The following RNF220 variants were observed in gnomAD, a reference collection of about 807,000 sequenced individuals.
RNF220 encodes the protein E3 ubiquitin-protein ligase RNF220.
In RNF220, 7 loss-of-function variants were observed where a neutral mutation model predicts 67.1. That is an observed-to-expected ratio of 0.10 (90% CI 0.06 to 0.20). RNF220 has a LOEUF of 0.20. Among genes scored for constraint, RNF220 ranks in the 10% least tolerant of loss-of-function variants. The probability of loss-of-function intolerance (pLI) is 1.00; values close to 1 mark genes in which losing one functional copy is unlikely to be tolerated. For synonymous variants in RNF220, 270 were observed against 283.2 expected (o/e 0.95, Z 0.47); for missense variants, 565 against 740.3 (o/e 0.76, Z 2.75).
At chr1:44,521,395 C>T (rs892526879) in intron 2 of RNF220, among the ~76,000 whole-genome samples, 51 of 152,138 alleles carry the variant, frequency 3.4e-4, no homozygotes, top group Non-Finnish European at 5.1e-4. Flanking sequence ...CATGGGATGA[C>T]AAATTTTAAA....
At chr1:44,517,502 A>G (rs548658544) in intron 2 of RNF220, among the ~76,000 whole-genome samples, 157 of 152,196 alleles carry the variant, frequency 1.0e-3, no homozygotes, top group African/African-American at 3.3e-3. Flanking sequence ...GACTGTTGTC[A>G]TCACCGACTT....
intron 2 of RNF220, among the ~76,000 whole-genome samples, chr1:44,447,879 C>G (rs1366268503): frequency 6.6e-6 from 1 of 152,206 alleles, no homozygotes; most frequent in African/African-American, 2.4e-5. Context: ...AATCCTATTT[C>G]TAAGTCCCTG....
chr1:44,491,985 G>A (rs1488524492), intron 2 of RNF220, among the ~76,000 whole-genome samples: 1 of 152,010 alleles, frequency 6.6e-6, no homozygotes, highest in Non-Finnish European at 1.5e-5. Context: ...CTTACCATTT[G>A]TATTCAATAT....
intron 2 of RNF220, among the ~76,000 whole-genome samples, chr1:44,450,404 A>G (rs1652550670): frequency 6.6e-6 from 1 of 152,174 alleles, no homozygotes; most frequent in Non-Finnish European, 1.5e-5. Flanking sequence ...AAAAAGTAAA[A>G]GCTTCTTACT....
rs953680631 is a variant in RNF220 at position 44,526,533 on chromosome 1, A to G, written c.626-87632A>G. ...CTACTCAGCACTTTTGTCCTAACTC[A>G]GTACTATCCAGTACTTGTGTCCTAA... On this transcript the variant is annotated intron_variant, in intron 2 of 14. Coordinates refer to ENST00000361799, the MANE Select transcript of RNF220 (RefSeq NM_018150.4). Among the ~76,000 whole-genome samples, 10 of 152,166 alleles carry G rather than the reference A, an allele frequency of 6.6e-5. No individual in the cohort carries two copies. The South Asian group carries it at 1.7e-3, about 25-fold the overall frequency.
At chr1:44,627,344 C>CAAAA (rs35722890) in intron 5 of RNF220, among the ~76,000 whole-genome samples, 4 of 42,250 alleles carry the variant, frequency 9.5e-5, no homozygotes, top group Non-Finnish European at 1.3e-4. Flanking sequence ...GACTCCGTCT[C>CAAAA]AAAAAAAAAA....
At chr1:44,584,842 G>T (rs990367448) in intron 2 of RNF220, among the ~76,000 whole-genome samples, 7 of 152,188 alleles carry the variant, frequency 4.6e-5, no homozygotes, top group Non-Finnish European at 1.0e-4. Context: ...GGGATTGCAG[G>T]TGCCTGCCGC....
At chr1:44,420,457 A>G (rs757017857) in intron 2 of RNF220, among the ~76,000 whole-genome samples, 1 of 152,216 alleles carries the variant, frequency 6.6e-6, no homozygotes, top group Non-Finnish European at 1.5e-5. Flanking sequence ...ATTTTCAGGT[A>G]TATGATTCCC....
At position 44,451,213 on chromosome 1, in the gene RNF220, G is replaced by T. The variant is rs191866273; in HGVS notation, c.625+38491G>T. 5.6e-3 allele frequency among the ~76,000 whole-genome samples: 849 copies of T among 151,480 alleles called. 6 individuals are homozygous for T. The highest frequency in any genetic ancestry group is 0.02 in the African/African-American group (812 of 41,388). On this transcript the variant is annotated intron_variant, in intron 2 of 14. Transcript: ENST00000361799. ...GAAAAAGAAAAAAAAAAAAAAGACT[G>T]TACTTGTTTACATTCCCATCCAAAA...
chr1:44,628,012 G>A (rs1313146534), intron 5 of RNF220, among the ~76,000 whole-genome samples: 2 of 152,190 alleles, frequency 1.3e-5, no homozygotes, highest in African/African-American at 2.4e-5. Flanking sequence ...TCTCTCTAAG[G>A]GAACCCCAGT....
chr1:44,528,327 G>A (rs1464613967), intron 2 of RNF220, among the ~76,000 whole-genome samples: 3 of 150,428 alleles, frequency 2.0e-5, no homozygotes, highest in African/African-American at 4.9e-5. Flanking sequence ...TTGAGACGGA[G>A]TCTCACTCTG....
chr1:44,531,428 G>A (rs1660821508), intron 2 of RNF220, among the ~76,000 whole-genome samples: 1 of 152,148 alleles, frequency 6.6e-6, no homozygotes, highest in Admixed American at 6.6e-5. Flanking sequence ...TCTCCCTGGT[G>A]GACTCACTCC....
intron 2 of RNF220, among the ~76,000 whole-genome samples, chr1:44,456,672 G>A (rs763184169): frequency 1.3e-5 from 2 of 152,200 alleles, no homozygotes; most frequent in East Asian, 1.9e-4. Flanking sequence ...TGTTGTCTAC[G>A]TGGCAGCCAG....
At chr1:44,571,800 C>T (rs996096071) in intron 2 of RNF220, among the ~76,000 whole-genome samples, 6 of 152,226 alleles carry the variant, frequency 3.9e-5, no homozygotes, top group African/African-American at 1.4e-4. Flanking sequence ...ATGGAACATA[C>T]CATTTTTCTC....
intron 2 of RNF220, among the ~76,000 whole-genome samples, chr1:44,495,869 T>G (rs1410926849): frequency 6.6e-6 from 1 of 152,204 alleles, no homozygotes; most frequent in East Asian, 1.9e-4. Context: ...TCCCAGCATT[T>G]AGAGTAGTGT....
intron 2 of RNF220, among the ~76,000 whole-genome samples, chr1:44,453,147 AT>A (rs1652854368): frequency 6.6e-6 from 1 of 152,176 alleles, no homozygotes; most frequent in Admixed American, 6.5e-5. Context: ...AAAAGGATTA[AT>A]TTTTGTGGCT....
chr1:44,594,184 G>A (rs1264225917), intron 2 of RNF220, among the ~76,000 whole-genome samples: 1 of 152,134 alleles, frequency 6.6e-6, no homozygotes, highest in Non-Finnish European at 1.5e-5. Context: ...GAAGGGCCAG[G>A]CAGTGGACAG....
chr1:44,502,594 C>A (rs568814551), intron 2 of RNF220, among the ~76,000 whole-genome samples: 3 of 152,126 alleles, frequency 2.0e-5, no homozygotes, highest in Non-Finnish European at 4.4e-5. Flanking sequence ...AGAGCTGTCC[C>A]TGCCCTGAAG....
intron 2 of RNF220, among the ~76,000 whole-genome samples, chr1:44,433,141 G>A (rs1378938999): frequency 1.3e-5 from 2 of 152,184 alleles, no homozygotes; most frequent in East Asian, 3.9e-4. Context: ...TGTTGGCCAG[G>A]CTGGTCTCGA....
Sources: allele counts gnomAD v4.1 joint callset (sites outside exome capture counted in the v4.1 genomes callset), GRCh38; gene constraint gnomAD v4.1.1; transcripts MANE v1.5; gene names NCBI Gene and HGNC (gene_info 2026-07-23, HGNC 2026-07-21).